Variants in SUSD4 observed in about 807,000 individuals in gnomAD.
SUSD4 encodes sushi domain-containing protein 4.
SUSD4 carries 41 observed loss-of-function variants against 50.5 expected under a neutral mutation model. The ratio of observed to expected loss-of-function variants is 0.81; its 90% CI spans 0.63 to 1.05. The LOEUF (loss-of-function observed/expected upper bound fraction) is 1.05, where lower values mean the gene tolerates loss of function less well. Among genes scored for constraint, SUSD4 ranks in the 50% least tolerant of loss-of-function variants. The pLI is 0.00. For synonymous variants in SUSD4, 257 were observed against 257.3 expected, an observed-to-expected ratio of 1.00 and a Z score of 0.01; for missense variants, 580 against 634.7, an observed-to-expected ratio of 0.91 and a Z score of 0.93.
At chr1:223,298,683 T>C (rs1022094266) in intron 2 of SUSD4, among the ~76,000 whole-genome samples, 2 of 152,188 alleles carry the variant, frequency 1.3e-5, no homozygotes, top group African/African-American at 4.8e-5. Flanking sequence ...ATTCAAGGGA[T>C]AACTGAAGAT....
At chr1:223,271,993 G>A (rs1274117380) in intron 3 of SUSD4, among the ~76,000 whole-genome samples, 3 of 152,186 alleles carry the variant, frequency 2.0e-5, no homozygotes, top group Non-Finnish European at 4.4e-5. Context: ...TTGGGAGGCC[G>A]AGGTGGGTGG....
At chr1:223,306,292 C>T (rs1572023417) in intron 2 of SUSD4, among the ~76,000 whole-genome samples, 3 of 152,320 alleles carry the variant, frequency 2.0e-5, no homozygotes, top group East Asian at 3.9e-4. Context: ...CCAGCAACTT[C>T]ACAAAATTCT....
chr1:223,273,714 T>C (rs1041155170), intron 3 of SUSD4, among the ~76,000 whole-genome samples: 9 of 152,196 alleles, frequency 5.9e-5, no homozygotes, highest in African/African-American at 2.2e-4. Flanking sequence ...TGATTAAAAC[T>C]CTGGACACTA....
intron 3 of SUSD4, among the ~76,000 whole-genome samples, chr1:223,288,151 G>A (rs895399473): frequency 2.0e-5 from 3 of 152,148 alleles, no homozygotes; most frequent in African/African-American, 7.2e-5. Flanking sequence ...ATGTGTTGAG[G>A]GAGGACCTGA....
chr1:223,254,016 G>A (rs1475341284), intron 5 of SUSD4, among the ~76,000 whole-genome samples: 1 of 152,220 alleles, frequency 6.6e-6, no homozygotes, highest in African/African-American at 2.4e-5. Flanking sequence ...GGGCAAAGGA[G>A]GATTATATTT....
At chr1:223,320,291 G>A (rs1666495102) in intron 2 of SUSD4, among the ~76,000 whole-genome samples, 1 of 152,156 alleles carries the variant, frequency 6.6e-6, no homozygotes, top group Non-Finnish European at 1.5e-5. Flanking sequence ...TATTTGCCCT[G>A]TTCTGTTTGT....
Position 223,292,543 on chromosome 1 carries a change from T to C in SUSD4, c.257A>G (p.Gln86Arg). ...FEGSVARFHCQDGFKLKGATK... is the reference protein window; with the variant it reads ...FEGSVARFHCRDGFKLKGATK... ...AGCGCCCTTCAGCTTGAATCCGTCTTGGCAGTGAAATCGGGCTACAGAGCC... is the reference window on the plus strand; with the variant it reads ...AGCGCCCTTCAGCTTGAATCCGTCTCGGCAGTGAAATCGGGCTACAGAGCC... Residue 86 changes from glutamine to arginine, a missense_variant, in exon 3 of 9, where the codon CAA becomes CGA. Physicochemically the swap from Gln to Arg is conservative, Grantham distance 43. Coordinates refer to ENST00000366878, the MANE Select transcript of SUSD4 (RefSeq NM_017982.4). 6.2e-7 allele frequency: 1 copy of C among 1,614,152 alleles called. No homozygotes were observed. The highest frequency in any genetic ancestry group is 2.2e-5 in the East Asian group (1 of 44,888).
intron 4 of SUSD4, among the ~76,000 whole-genome samples, chr1:223,265,261 G>C (rs545320513): frequency 6.6e-6 from 1 of 152,352 alleles, no homozygotes; most frequent in South Asian, 2.1e-4. Context: ...GTGGTGGTGA[G>C]AGCAGCTTCA....
At chr1:223,252,147 A>G (rs1661357540) in intron 5 of SUSD4, among the ~76,000 whole-genome samples, 1 of 150,576 alleles carries the variant, frequency 6.6e-6, no homozygotes, top group African/African-American at 2.4e-5. Context: ...GCAGCACACC[A>G]ACATGGCACA....
chr1:223,264,533 T>A (rs1662343926), intron 5 of SUSD4, 97 bp downstream of exon 5: 1 of 1,529,470 alleles, frequency 6.5e-7, no homozygotes, highest in African/African-American at 1.4e-5. Context: ...AGAAGAAAAG[T>A]TATTGCCCAT....
chr1:223,307,345 A>C (rs1665600102), intron 2 of SUSD4, among the ~76,000 whole-genome samples: 1 of 152,250 alleles, frequency 6.6e-6, no homozygotes, highest in Non-Finnish European at 1.5e-5. Flanking sequence ...ACATGGATAC[A>C]ACTTCACAGT....
At chr1:223,316,307 A>C (rs1572044266) in intron 2 of SUSD4, among the ~76,000 whole-genome samples, 3 of 152,216 alleles carry the variant, frequency 2.0e-5, no homozygotes, top group East Asian at 3.9e-4. Flanking sequence ...GTGAGGGAGA[A>C]TATCTCTCCT....
chr1:223,356,690 G>A (rs768265663), intron 2 of SUSD4, among the ~76,000 whole-genome samples: 39 of 152,166 alleles, frequency 2.6e-4, no homozygotes, highest in Non-Finnish European at 4.7e-4. Flanking sequence ...GAAACAAAGA[G>A]GAAAGTCTTG....
intron 3 of SUSD4, among the ~76,000 whole-genome samples, chr1:223,278,647 A>G (rs1432476640): frequency 6.6e-6 from 1 of 152,252 alleles, no homozygotes; most frequent in Non-Finnish European, 1.5e-5. Flanking sequence ...GGCAGGGCAT[A>G]GCTGAACAAA....
At chr1:223,357,698 G>A (rs1377338749) in intron 2 of SUSD4, among the ~76,000 whole-genome samples, 1 of 152,196 alleles carries the variant, frequency 6.6e-6, no homozygotes, top group Non-Finnish European at 1.5e-5. Flanking sequence ...CAATCACGCA[G>A]ATGTCGGCCA....
At chr1:223,247,962 C>T (rs1157584987) in intron 5 of SUSD4, among the ~76,000 whole-genome samples, 2 of 152,138 alleles carry the variant, frequency 1.3e-5, no homozygotes, top group East Asian at 1.9e-4. Context: ...CACCTTTCAC[C>T]GGACTCTTGC....
intron 2 of SUSD4, among the ~76,000 whole-genome samples, chr1:223,321,867 G>A (rs540634247): frequency 4.6e-5 from 7 of 152,218 alleles, no homozygotes; most frequent in South Asian, 4.1e-4. Context: ...ATCAAATAAC[G>A]TTTACTTTGG....
At position 223,292,566 on chromosome 1, in the gene SUSD4, G is replaced by A. The variant is rs1235599760; in HGVS notation, c.234C>T (p.Gly78=). The A allele has an allele frequency of 3.7e-6, 6 of 1,614,160 alleles. No individual in the cohort carries two copies. Among genetic ancestry groups the A allele is most frequent in the Non-Finnish European group, 5.1e-6 (6 of 1,180,026 alleles). ...RTPSGGVFFE[G]SVARFHCQDG... ...CTTGGCAGTGAAATCGGGCTACAGAGCCTTCAAAGAAAACCCCTCCGCTGG... is the reference window on the plus strand; with the variant it reads ...CTTGGCAGTGAAATCGGGCTACAGAACCTTCAAAGAAAACCCCTCCGCTGG... The change falls in exon 3 of 9, where the codon GGC becomes GGT. Residue 78 remains glycine, a synonymous_variant. Coordinates refer to ENST00000366878, the MANE Select transcript of SUSD4 (RefSeq NM_017982.4).
At chr1:223,249,664 A>C (rs1351816347) in intron 5 of SUSD4, among the ~76,000 whole-genome samples, 1 of 152,242 alleles carries the variant, frequency 6.6e-6, no homozygotes, top group Non-Finnish European at 1.5e-5. Context: ...TTCTATAATA[A>C]GTTTATATTA....
Sources: gnomAD v4.1 joint callset for allele counts (sites outside exome capture counted in the v4.1 genomes callset) on GRCh38, gnomAD v4.1.1 for gene constraint, MANE v1.5 for transcripts, NCBI Gene and HGNC (gene_info 2026-07-23, HGNC 2026-07-21) for gene names.